SIPA1L1: variants seen among roughly 807,000 people sequenced by gnomAD.
The protein encoded by SIPA1L1 is signal-induced proliferation-associated 1-like protein 1.
In SIPA1L1, 26 loss-of-function variants were observed where a neutral mutation model predicts 162.7. The observed-to-expected ratio is 0.16, with a 90% CI of 0.12 to 0.22. The LOEUF (loss-of-function observed/expected upper bound fraction) is 0.22. SIPA1L1 is among the 10% of genes least tolerant of loss of function. The pLI is 1.00. For synonymous variants in SIPA1L1, 829 were observed against 837.4 expected (o/e 0.99, Z 0.17); for missense variants, 1,874 against 2,241.0 (o/e 0.84, Z 3.31).
chr14:71,674,570 GT>G (rs146359962), intron 12 of SIPA1L1, among the ~76,000 whole-genome samples: 304 of 114,158 alleles, frequency 2.7e-3, no homozygotes, highest in Middle Eastern at 0.013. Context: ...GTTTTTTTTT[GT>G]TTTTTTTTTT....
chr14:71,568,783 C>T (rs752138338), intron 4 of SIPA1L1, among the ~76,000 whole-genome samples: 12 of 152,146 alleles, frequency 7.9e-5, no homozygotes, highest in South Asian at 2.1e-4. Flanking sequence ...CATAAACACA[C>T]AGTACTATTA....
chr14:71,572,445 G>C (rs566572388), intron 4 of SIPA1L1, among the ~76,000 whole-genome samples: 33 of 152,310 alleles, frequency 2.2e-4, no homozygotes, highest in Admixed American at 1.2e-3. Context: ...TTCTTAGGCA[G>C]TTACTAAATG....
At chr14:71,436,748 C>T (rs1408977395) in intron 2 of SIPA1L1, among the ~76,000 whole-genome samples, 3 of 150,190 alleles carry the variant, frequency 2.0e-5, no homozygotes, top group Non-Finnish European at 4.4e-5. Context: ...AAACTACAGA[C>T]ATACCTTCTG....
intron 3 of SIPA1L1, among the ~76,000 whole-genome samples, chr14:71,524,345 T>C (rs548587335): frequency 6.6e-6 from 1 of 152,366 alleles, no homozygotes; most frequent in Admixed American, 6.5e-5. Context: ...GTATTCCTAA[T>C]GCAGTTTAGT....
chr14:71,377,310 C>T lies in SIPA1L1; in HGVS notation c.-465+56129C>T, dbSNP rs533441449. ...TCCACTTCTCAGACAGGGCGGCTGCCGGGTGGAGGGGCTCCTCAACTTCTC... is the reference window on the plus strand; with the variant it reads ...TCCACTTCTCAGACAGGGCGGCTGCTGGGTGGAGGGGCTCCTCAACTTCTC... On this transcript the variant is annotated intron_variant, in intron 2 of 23. Transcript: ENST00000381232. This position sits in a 1 kb window ranked among gnomAD's most constrained non-coding sequence, Gnocchi z 4.8. 1.2e-3 allele frequency among the ~76,000 whole-genome samples: 187 copies of T among 151,160 alleles called. No individual in the cohort carries two copies. Among genetic ancestry groups the T allele is most frequent in the African/African-American group, 4.3e-3 (177 of 41,142 alleles).
At chr14:71,604,994 T>C (rs2037318519) in intron 5 of SIPA1L1, among the ~76,000 whole-genome samples, 1 of 152,174 alleles carries the variant, frequency 6.6e-6, no homozygotes, top group Non-Finnish European at 1.5e-5. Flanking sequence ...TTTGATTTTC[T>C]TTTCACCTTC....
chr14:71,503,727 A>G (rs552227105), intron 2 of SIPA1L1: 2 of 152,150 alleles, frequency 1.3e-5, no homozygotes, highest in African/African-American at 4.8e-5. Flanking sequence ...TATTTACAGA[A>G]AAGTTGCAAA....
intron 2 of SIPA1L1, among the ~76,000 whole-genome samples, chr14:71,480,361 T>C (rs2048251824): frequency 6.6e-6 from 1 of 150,408 alleles, no homozygotes. Flanking sequence ...AGTGTTGGGA[T>C]TACAGGCGTG....
At chr14:71,337,912 C>T (rs901040138) in intron 2 of SIPA1L1, among the ~76,000 whole-genome samples, 1 of 152,140 alleles carries the variant, frequency 6.6e-6, no homozygotes, top group African/African-American at 2.4e-5. Flanking sequence ...TGCCACTGCA[C>T]TCCAGCCTGG....
chr14:71,689,481 A>C (rs2081099471), intron 13 of SIPA1L1, among the ~76,000 whole-genome samples: 1 of 152,206 alleles, frequency 6.6e-6, no homozygotes, highest in African/African-American at 2.4e-5. Context: ...GATTGAAATA[A>C]AAATTGCTGG....
At chr14:71,484,502 G>T (rs1217753473) in intron 2 of SIPA1L1, among the ~76,000 whole-genome samples, 1 of 152,066 alleles carries the variant, frequency 6.6e-6, no homozygotes, top group Non-Finnish European at 1.5e-5. Context: ...GAAGGGGAAT[G>T]ATTTCATAGT....
At chr14:71,636,842 A>G (rs1454088011) in intron 7 of SIPA1L1, among the ~76,000 whole-genome samples, 2 of 152,072 alleles carry the variant, frequency 1.3e-5, no homozygotes, top group African/African-American at 4.8e-5. Flanking sequence ...AGGTGAGTGG[A>G]TCACTTGAGA....
At chr14:71,374,499 C>CTG (rs2039189646) in intron 2 of SIPA1L1, among the ~76,000 whole-genome samples, 1 of 151,658 alleles carries the variant, frequency 6.6e-6, no homozygotes, top group Non-Finnish European at 1.5e-5. Context: ...AAGACAGAAA[C>CTG]TGACAGTGTG....
chr14:71,535,833 C>T (rs1276007321), intron 4 of SIPA1L1, among the ~76,000 whole-genome samples: 1 of 152,066 alleles, frequency 6.6e-6, no homozygotes, highest in Admixed American at 6.5e-5. Flanking sequence ...TGTTTTCAAA[C>T]TCCTGGCCTC....
intron 4 of SIPA1L1, among the ~76,000 whole-genome samples, chr14:71,563,202 T>C (rs1375018892): frequency 6.6e-6 from 1 of 152,242 alleles, no homozygotes; most frequent in Non-Finnish European, 1.5e-5. Flanking sequence ...TTGATTTTAT[T>C]TATTACTACT....
rs1008012355 is a variant in SIPA1L1, at chr14:71,667,362, G to A, written c.2256-3757G>A. On this transcript the variant is annotated intron_variant, in intron 10 of 23. Transcript: ENST00000381232. ...TGCTACCAGTAGCACCCTGTACTTCGCAAGTAGGAGACTCAAATCACTGGC... is the reference window on the plus strand; with the variant it reads ...TGCTACCAGTAGCACCCTGTACTTCACAAGTAGGAGACTCAAATCACTGGC... Among the ~76,000 whole-genome samples the A allele has an allele frequency of 2.8e-4, 42 of 152,096 alleles. 1 individual carries two copies. Among genetic ancestry groups the A allele is most frequent in the Non-Finnish European group, 8.8e-5 (6 of 68,018 alleles).
chr14:71,508,739 T>C (rs2050875505), intron 2 of SIPA1L1, among the ~76,000 whole-genome samples: 1 of 152,256 alleles, frequency 6.6e-6, no homozygotes, highest in Admixed American at 6.5e-5. Flanking sequence ...TTAAAAAACA[T>C]AGTCTTTGTT....
At position 71,699,135 on chromosome 14, in the gene SIPA1L1, T is replaced by C. The variant is rs2081890401; in HGVS notation, c.3521+8T>C. ...GAAGTCCATGCCCGAAGGGTAGTTA[T>C]GCGTTTGTCCCATTGTACATGGTCC... On this transcript the variant is annotated splice_region_variant and intron_variant, in intron 14 of 23. Transcript: ENST00000381232. The C allele has an allele frequency of 2.5e-6, 4 of 1,613,986 alleles. No homozygotes were observed. Among genetic ancestry groups the C allele is most frequent in the African/African-American group, 1.3e-5 (1 of 75,064 alleles).
At chr14:71,562,153 C>T (rs919519752) in intron 4 of SIPA1L1, among the ~76,000 whole-genome samples, 1 of 151,420 alleles carries the variant, frequency 6.6e-6, no homozygotes, top group South Asian at 2.1e-4. Context: ...ATCTATGTGC[C>T]TGATAGTGCA....
Sources: allele counts gnomAD v4.1 joint callset (sites outside exome capture counted in the v4.1 genomes callset), GRCh38; gene constraint gnomAD v4.1.1; non-coding constraint Gnocchi (gnomAD v3.1); transcripts MANE v1.5; gene names NCBI Gene and HGNC (gene_info 2026-07-23, HGNC 2026-07-21).